Variants in CNTNAP4 observed in about 807,000 individuals in gnomAD.
CNTNAP4 encodes the protein contactin-associated protein-like 4.
In CNTNAP4, 98 loss-of-function variants were observed where a neutral mutation model predicts 148.4. The ratio of observed to expected loss-of-function variants is 0.66; its 90% CI spans 0.56 to 0.78. The LOEUF is 0.78. Ranked by LOEUF, CNTNAP4 falls within the 30% of genes least tolerant of loss-of-function variation. The pLI is 0.00. For missense variants in CNTNAP4, 1,935 were observed against 1,565.6 expected, an observed-to-expected ratio of 1.24 and a Z score of -3.98; for synonymous variants, 730 against 565.1, an observed-to-expected ratio of 1.29 and a Z score of -4.14.
At chr16:76,397,982 A>T (rs1210680122) in intron 3 of CNTNAP4, among the ~76,000 whole-genome samples, 1 of 76,620 alleles carries the variant, frequency 1.3e-5, no homozygotes, top group African/African-American at 6.6e-5. Context: ...ATATATATAT[A>T]TATATATATA....
At chr16:76,350,207 A>G (rs1965255990) in intron 2 of CNTNAP4, among the ~76,000 whole-genome samples, 1 of 152,174 alleles carries the variant, frequency 6.6e-6, no homozygotes, top group African/African-American at 2.4e-5. Flanking sequence ...GGGGTAAAGA[A>G]TGAAAAATGG....
chr16:76,553,476 A>G lies in CNTNAP4; in HGVS notation c.3636A>G (p.Ser1212=). 6.2e-7 allele frequency: 1 copy of G among 1,611,806 alleles called. No individual in the cohort carries two copies. The highest frequency in any genetic ancestry group is 8.5e-7 in the Non-Finnish European group (1 of 1,178,884). The change falls in exon 22 of 24, where the codon TCA becomes TCG. Residue 1212 remains serine (S), a synonymous_variant. Transcript: ENST00000611870. ...CMAQPGTDAT[S]RERTHSFADH... ...CCCAGCCTGGCACTGATGCCACATC[A>G]AGGGAAAGGACACACTCGTTTGCAG...
intron 3 of CNTNAP4, among the ~76,000 whole-genome samples, chr16:76,362,609 A>G (rs1055678315): frequency 9.9e-5 from 15 of 152,214 alleles, no homozygotes; most frequent in African/African-American, 1.7e-4. Context: ...CCATACATCT[A>G]TGGTCTACTG....
chr16:76,338,399 CTCCCTTCAG>C (rs1964196031), intron 2 of CNTNAP4, among the ~76,000 whole-genome samples: 1 of 152,160 alleles, frequency 6.6e-6, no homozygotes, highest in Admixed American at 6.5e-5. Flanking sequence ...GCTCCCTTCA[CTCCCTTCAG>C]TCCAATTACT....
chr16:76,528,203 A>G (rs753847782), intron 17 of CNTNAP4, among the ~76,000 whole-genome samples: 1 of 152,200 alleles, frequency 6.6e-6, no homozygotes, highest in Non-Finnish European at 1.5e-5. Flanking sequence ...TATATTCTCC[A>G]TCTTACTAAC....
chr16:76,517,300 A>G (rs2083287470), intron 15 of CNTNAP4, among the ~76,000 whole-genome samples: 1 of 152,114 alleles, frequency 6.6e-6, no homozygotes, highest in African/African-American at 2.4e-5. Context: ...CGTCAGTGTC[A>G]CTATCCTGGT....
At chr16:76,554,272 C>G (rs1173448895) in intron 23 of CNTNAP4, among the ~76,000 whole-genome samples, 1 of 152,126 alleles carries the variant, frequency 6.6e-6, no homozygotes, top group African/African-American at 2.4e-5. Context: ...TTGGACATAT[C>G]ACTGCTTCTG....
chr16:76,367,781 G>A (rs982370966), intron 3 of CNTNAP4, among the ~76,000 whole-genome samples: 6 of 152,200 alleles, frequency 3.9e-5, no homozygotes, highest in South Asian at 2.1e-4. Flanking sequence ...AGTGGGTGTC[G>A]CCACCACACA....
At chr16:76,278,583 G>T (rs72626195) in intron 1 of CNTNAP4, among the ~76,000 whole-genome samples, 5 of 152,030 alleles carry the variant, frequency 3.3e-5, no homozygotes, top group Non-Finnish European at 7.4e-5. Context: ...AGTTATCTTT[G>T]GCTTAAATTC....
intron 2 of CNTNAP4, among the ~76,000 whole-genome samples, chr16:76,338,391 T>G (rs1964194935): frequency 6.6e-6 from 1 of 152,108 alleles, no homozygotes; most frequent in Admixed American, 6.6e-5. Context: ...TTCCCTTTGC[T>G]CCCTTCACTC....
At chr16:76,463,270 T>C (rs1006634538) in intron 9 of CNTNAP4, among the ~76,000 whole-genome samples, 1 of 152,100 alleles carries the variant, frequency 6.6e-6, no homozygotes, top group Admixed American at 6.6e-5. Context: ...TTAGAAGCAG[T>C]AAAAGAGATA....
At chr16:76,356,350 G>A (rs12597605) in intron 3 of CNTNAP4, among the ~76,000 whole-genome samples, 19,913 of 151,946 alleles carry the variant, frequency 0.13, 2,009 homozygotes, top group East Asian at 0.48. Context: ...TGATTTATCT[G>A]TAAACCCTTC....
At chr16:76,518,691 G>T (rs2083344696) in intron 15 of CNTNAP4, among the ~76,000 whole-genome samples, 1 of 152,090 alleles carries the variant, frequency 6.6e-6, no homozygotes, top group Non-Finnish European at 1.5e-5. Context: ...TCATTTCTGG[G>T]AGTTGGGAAC....
intron 8 of CNTNAP4, among the ~76,000 whole-genome samples, chr16:76,459,808 T>C (rs1225849025): frequency 6.6e-6 from 1 of 152,102 alleles, no homozygotes; most frequent in Non-Finnish European, 1.5e-5. Context: ...CGACAAAGAC[T>C]CTTAGATTTC....
At chr16:76,554,858 T>C (rs1478567160) in intron 23 of CNTNAP4, among the ~76,000 whole-genome samples, 1 of 152,132 alleles carries the variant, frequency 6.6e-6, no homozygotes, top group African/African-American at 2.4e-5. Flanking sequence ...AAACTTCTCA[T>C]GTGGCTTTCA....
At chr16:76,465,444 C>G (rs558796947) in intron 9 of CNTNAP4, among the ~76,000 whole-genome samples, 1 of 152,270 alleles carries the variant, frequency 6.6e-6, no homozygotes, top group South Asian at 2.1e-4. Context: ...TGTAAAATTC[C>G]ATGATCTTTC....
At chr16:76,499,198 A>AG (rs1375998229) in intron 15 of CNTNAP4, among the ~76,000 whole-genome samples, 1 of 151,590 alleles carries the variant, frequency 6.6e-6, no homozygotes, top group Non-Finnish European at 1.5e-5. Flanking sequence ...CTCCTGCACA[A>AG]TTTTTTTAAT....
chr16:76,528,939 A>C (rs1380520058), intron 17 of CNTNAP4, among the ~76,000 whole-genome samples: 1 of 152,216 alleles, frequency 6.6e-6, no homozygotes, highest in Non-Finnish European at 1.5e-5. Flanking sequence ...TATTAGAACA[A>C]TTAACTTCAA....
At chr16:76,538,071 T>G in intron 18 of CNTNAP4, 45 bp from the exon 19 acceptor site, 3 of 874,634 alleles carry the variant, frequency 3.4e-6, no homozygotes, top group Non-Finnish European at 4.7e-6. Context: ...ACAAAATCCT[T>G]GTACTTAAAA....
Sources: allele counts gnomAD v4.1 joint callset (sites outside exome capture counted in the v4.1 genomes callset), GRCh38; gene constraint gnomAD v4.1.1; transcripts MANE v1.5; gene names NCBI Gene and HGNC (gene_info 2026-07-23, HGNC 2026-07-21).